PIAS2: variants seen among roughly 807,000 people sequenced by gnomAD.
PIAS2 encodes the protein E3 SUMO-protein ligase PIAS2.
Under a neutral mutation model 69.7 loss-of-function variants are expected in PIAS2, and 19 were observed. The ratio of observed to expected loss-of-function variants is 0.27; its 90% CI spans 0.19 to 0.40. PIAS2 has a LOEUF of 0.40. Ranked by LOEUF, PIAS2 falls within the 10% of genes least tolerant of loss-of-function variation. PIAS2 has a pLI of 1.00. For missense variants in PIAS2, 624 were observed against 757.0 expected (o/e 0.82, Z 2.06); for synonymous variants, 261 against 263.2 (o/e 0.99, Z 0.08).
chr18:46,912,698 A>G (rs2057396561), intron 1 of PIAS2, among the ~76,000 whole-genome samples: 1 of 152,238 alleles, frequency 6.6e-6, no homozygotes, highest in South Asian at 2.1e-4. Context: ...TGAGTTGAAA[A>G]AATATAGAGA....
chr18:46,844,599 T>C lies in PIAS2; in HGVS notation c.967+135A>G, dbSNP rs529045802. ...CAATTTTACTCACCAGTAATGTATA[T>C]AAATTAGTATATACACAAGCTAACA... On this transcript the variant is annotated intron_variant, in intron 7 of 13. Coordinates refer to ENST00000585916, the MANE Select transcript of PIAS2 (RefSeq NM_004671.5). The C allele has an allele frequency of 7.3e-5, 29 of 395,088 alleles. No homozygotes were observed. In the South Asian group the frequency reaches 3.8e-3, roughly 51 times the overall value. The allele number at this position is 395,088 out of a possible 1,614,324, so 24.5% of individuals were successfully genotyped here. A position where few individuals can be genotyped will look rare whatever the true frequency, so the allele number is the denominator to read the frequency against.
chr18:46,863,764 A>T (rs2049011722), intron 3 of PIAS2, among the ~76,000 whole-genome samples: 1 of 152,218 alleles, frequency 6.6e-6, no homozygotes, highest in Non-Finnish European at 1.5e-5. Context: ...AAACAGGTCA[A>T]CTGTTATGGA....
chr18:46,886,263 T>C (rs2053166655), intron 2 of PIAS2, among the ~76,000 whole-genome samples: 1 of 152,234 alleles, frequency 6.6e-6, no homozygotes, highest in African/African-American at 2.4e-5. Context: ...CTAGTCTGAA[T>C]CTTTCTCAGA....
chr18:46,848,236 A>G (rs1321736410), intron 5 of PIAS2, among the ~76,000 whole-genome samples: 3 of 152,224 alleles, frequency 2.0e-5, no homozygotes, highest in Non-Finnish European at 2.9e-5. Flanking sequence ...TGACACCATT[A>G]ACTGGATGTG....
intron 5 of PIAS2, among the ~76,000 whole-genome samples, chr18:46,847,454 A>G (rs1020195632): frequency 2.0e-5 from 3 of 152,020 alleles, no homozygotes; most frequent in Admixed American, 1.3e-4. Flanking sequence ...TTTATGCTTT[A>G]ATCTACTTTT....
chr18:46,916,255 T>C (rs2057867718), intron 1 of PIAS2, among the ~76,000 whole-genome samples: 1 of 152,170 alleles, frequency 6.6e-6, no homozygotes, highest in Admixed American at 6.6e-5. Flanking sequence ...TCCCATCTCT[T>C]GCGGAAAACA....
At chr18:46,844,883 T>A (rs753465319) in intron 6 of PIAS2, 44 bp from the exon 7 acceptor site, 1 of 746,068 alleles carries the variant, frequency 1.3e-6, no homozygotes, top group Non-Finnish European at 2.1e-6. Context: ...TGAGAGATAA[T>A]ATTCTCTTTG....
chr18:46,860,422 G>A (rs1370311720), intron 3 of PIAS2, among the ~76,000 whole-genome samples: 4 of 152,160 alleles, frequency 2.6e-5, no homozygotes, highest in African/African-American at 9.7e-5. Flanking sequence ...AGAGAAACCA[G>A]GGCTCCCTGG....
chr18:46,844,810 C>A lies in PIAS2; in HGVS notation c.891G>T (p.Arg297=). The A allele has an allele frequency of 1.4e-6, 2 of 1,472,158 alleles. No individual in the cohort carries two copies. The highest frequency in any genetic ancestry group is 2.9e-5 in the South Asian group (2 of 67,846). 91.2% of individuals were successfully genotyped at this position (1,472,158 alleles called of 1,614,324 possible). ...GTAATAACATGGCTGATGTAAGCTG[C>A]CGTACAAGATATACAGACATAGAGT... is the stretch of plus-strand genomic sequence containing the variant. The part of the protein sequence containing the change: ...KNYSMSVYLV[R]QLTSAMLLQR... The change falls in exon 7 of 14, where the codon CGG becomes CGT. Residue 297 remains arginine (R), a synonymous_variant. Transcript: ENST00000585916.
intron 12 of PIAS2, chr18:46,817,149 C>T (rs974268780): frequency 1.0e-4 from 98 of 955,020 alleles, no homozygotes; most frequent in Non-Finnish European, 1.2e-4. Flanking sequence ...ACAATAGCTT[C>T]TACCTTTTTA....
At chr18:46,848,552 GA>G (rs1218933500) in intron 5 of PIAS2, among the ~76,000 whole-genome samples, 1 of 152,054 alleles carries the variant, frequency 6.6e-6, no homozygotes, top group Admixed American at 6.6e-5. Context: ...AAGCAAAGAG[GA>G]ACACACCCTG....
intron 8 of PIAS2, 94 bp from the exon 9 acceptor site, chr18:46,836,611 A>G: frequency 1.3e-6 from 1 of 788,966 alleles, no homozygotes; most frequent in Middle Eastern, 2.5e-4. Flanking sequence ...GATGTCATAC[A>G]AGAAGATGAT....
intron 8 of PIAS2, among the ~76,000 whole-genome samples, chr18:46,842,493 G>A (rs2045567383): frequency 6.6e-6 from 1 of 152,136 alleles, no homozygotes. Context: ...AAACATAATG[G>A]TGACACGAGT....
intron 12 of PIAS2, 199 bp from the exon 13 acceptor site, chr18:46,815,548 TG>T (rs2041423663): frequency 1.0e-6 from 1 of 985,260 alleles, no homozygotes; most frequent in African/African-American, 1.7e-5. Flanking sequence ...ATAAAACAAC[TG>T]GAAAAACTAG....
intron 2 of PIAS2, among the ~76,000 whole-genome samples, chr18:46,880,937 C>T (rs891199253): frequency 6.6e-6 from 1 of 152,190 alleles, no homozygotes; most frequent in African/African-American, 2.4e-5. Flanking sequence ...CCATTATATA[C>T]AGCAAAGTTT....
chr18:46,825,085 GTTCT>G (rs1215014947), intron 11 of PIAS2, among the ~76,000 whole-genome samples: 1 of 151,598 alleles, frequency 6.6e-6, no homozygotes, highest in Non-Finnish European at 1.5e-5. Context: ...CTCATTCTCT[GTTCT>G]TTCTCATTTG....
intron 9 of PIAS2, among the ~76,000 whole-genome samples, chr18:46,834,473 A>T (rs1166004038): frequency 6.6e-6 from 1 of 152,238 alleles, no homozygotes; most frequent in African/African-American, 2.4e-5. Context: ...GAATATTAAG[A>T]GGCAATTTGT....
chr18:46,812,875 C>T lies in PIAS2; in HGVS notation c.1687-263G>A, dbSNP rs181805857. ...CTGACCACATACAAAGGTAAAAGTA[C>T]AATGTCAACAATAACTGAAGTCATT... On this transcript the variant is annotated intron_variant, in intron 13 of 13. Coordinates refer to ENST00000585916, the MANE Select transcript of PIAS2 (RefSeq NM_004671.5). Among the ~76,000 whole-genome samples the T allele has an allele frequency of 2.3e-3, 357 of 152,236 alleles. 2 individuals carry two copies. Among genetic ancestry groups the T allele is most frequent in the Middle Eastern group, 0.01 (3 of 294 alleles).
At chr18:46,849,104 C>T (rs1439554391) in intron 5 of PIAS2, among the ~76,000 whole-genome samples, 1 of 152,110 alleles carries the variant, frequency 6.6e-6, no homozygotes, top group Admixed American at 6.5e-5. Flanking sequence ...CTAAAATGTG[C>T]ACTCTGGAAA....
Sources: gnomAD v4.1 joint callset for allele counts (sites outside exome capture counted in the v4.1 genomes callset) on GRCh38, gnomAD v4.1.1 for gene constraint, MANE v1.5 for transcripts, NCBI Gene and HGNC (gene_info 2026-07-23, HGNC 2026-07-21) for gene names.